ITPRID2: variants seen among roughly 807,000 people sequenced by gnomAD.
The protein encoded by ITPRID2 is ITPR interacting domain containing 2.
A neutral mutation model predicts 124.3 loss-of-function variants in ITPRID2; 60 were observed. That is an observed-to-expected ratio of 0.48 (90% CI 0.39 to 0.60). The LOEUF is 0.60. ITPRID2 is among the 20% of genes least tolerant of loss of function. The pLI, the probability that ITPRID2 is intolerant of heterozygous loss-of-function variation, is 0.00. For synonymous variants in ITPRID2, 521 were observed against 542.9 expected, an observed-to-expected ratio of 0.96 and a Z score of 0.56; for missense variants, 1,553 against 1,512.2, an observed-to-expected ratio of 1.03 and a Z score of -0.45.
chr2:181,929,264 A>G (rs1695106820), intron 17 of ITPRID2, among the ~76,000 whole-genome samples: 1 of 151,912 alleles, frequency 6.6e-6, no homozygotes, highest in African/African-American at 2.4e-5. Context: ...TAGAACTAAA[A>G]ATATTCATTG....
At chr2:181,928,396 T>C (rs528424734) in intron 17 of ITPRID2, 118 bp downstream of exon 17, 1 of 562,134 alleles carries the variant, frequency 1.8e-6, no homozygotes, top group Non-Finnish European at 3.1e-6. Context: ...TTAGAATGTA[T>C]GTAATATGTT....
chr2:181,909,861 G>T (rs1202216234), intron 8 of ITPRID2, 38 bp from the exon 9 acceptor site: 1 of 1,507,240 alleles, frequency 6.6e-7, no homozygotes, highest in South Asian at 1.1e-5. Context: ...GTTTGCCTTA[G>T]ATTCATTTGG....
Position 181,896,062 on chromosome 2 carries a change from G to A in ITPRID2, c.290G>A (p.Ser97Asn). Residue 97 changes from serine to asparagine, a missense_variant, in exon 3 of 18, where the codon AGC (serine) becomes AAC (asparagine). By Grantham distance (46) the Ser-to-Asn change is conservative. Transcript: ENST00000431877. The surrounding 1 kb of genome is among the most constrained non-coding windows in gnomAD (Gnocchi z 4.3). ...TTGGGAGCCTCACTGGATGAACAAA[G>A]CAGTAGTACACTCAAGGGTAAGAGA... ...TPLGASLDEQ[S>N]SSTLKGVLVR... 1 of 1,612,876 alleles carries A rather than the reference G, an allele frequency of 6.2e-7. No individual in the cohort carries two copies. Among genetic ancestry groups the A allele is most frequent in the Non-Finnish European group, 8.5e-7 (1 of 1,179,002 alleles).
chr2:181,904,491 A>G (rs754299192), intron 8 of ITPRID2, among the ~76,000 whole-genome samples: 540 of 43,996 alleles, frequency 0.012, 4 homozygotes, highest in Non-Finnish European at 0.02. Context: ...TTGTAGAACA[A>G]TGGATAAAGG....
At chr2:181,917,283 G>A (rs961219263) in intron 11 of ITPRID2, 1 of 152,340 alleles carries the variant, frequency 6.6e-6, no homozygotes, top group Admixed American at 6.5e-5. Context: ...CTCTTATCAT[G>A]ACATAGTAGA....
At position 181,910,144 on chromosome 2, in the gene ITPRID2, A is replaced by G. The variant is rs1420286258; in HGVS notation, c.1486+173A>G. Among the ~76,000 whole-genome samples, 1 of 152,194 alleles carries G rather than the reference A, an allele frequency of 6.6e-6. No homozygotes were observed. The highest frequency in any genetic ancestry group is 2.4e-5 in the African/African-American group (1 of 41,458). On this transcript the variant is annotated intron_variant, in intron 9 of 17. Coordinates refer to ENST00000431877, the MANE Select transcript of ITPRID2 (RefSeq NM_001130445.3). The surrounding 1 kb of genome is among the most constrained non-coding windows in gnomAD (Gnocchi z 4.1). ...TAGAACTTTTTTTGTATTTTTTAAA[A>G]GACTTTTTAAAAATTAGTTTGCTAA...
chr2:181,896,894 A>G lies in ITPRID2; in HGVS notation c.308-14A>G, dbSNP rs1337124233. 3.7e-6 allele frequency: 6 copies of G among 1,610,918 alleles called. No individual in the cohort carries two copies. Among genetic ancestry groups the G allele is most frequent in the Middle Eastern group, 1.7e-4 (1 of 6,054 alleles). On this transcript the variant is annotated splice_polypyrimidine_tract_variant and intron_variant, in intron 3 of 17. Coordinates refer to ENST00000431877, the MANE Select transcript of ITPRID2 (RefSeq NM_001130445.3). The surrounding 1 kb of genome is among the most constrained non-coding windows in gnomAD (Gnocchi z 4.3). ...AACAGAACACCAGGATGAGTTTTCA[A>G]ATGTGTCTTTCAGGTGTGCTTGTGA...
chr2:181,918,715 G>T (rs972958491), intron 12 of ITPRID2, 40 bp downstream of exon 12: 1 of 1,613,558 alleles, frequency 6.2e-7, no homozygotes, highest in South Asian at 1.1e-5. Flanking sequence ...AAAATAATTT[G>T]TAGAATTTAG....
At chr2:181,926,311 G>A (rs747740595) in intron 16 of ITPRID2, among the ~76,000 whole-genome samples, 1 of 152,136 alleles carries the variant, frequency 6.6e-6, no homozygotes, top group African/African-American at 2.4e-5. Context: ...TATTCATTTT[G>A]TGTCCATTGA....
rs550558891 is a variant in ITPRID2 at position 181,915,636 on chromosome 2, T to C, written c.1996T>C (p.Leu666=). Residue 666 remains leucine, a synonymous_variant, in exon 11 of 18, where the codon TTG becomes CTG. Transcript: ENST00000431877. ...QYTTHHILKS[L]ASIEAKCSDM... ...TACCACACACCATATTCTGAAATCA[T>C]TGGCTTCTATTGAAGCTAAATGCAG... 3.1e-6 allele frequency: 5 copies of C among 1,614,204 alleles called. No homozygotes were observed. The South Asian group carries it at 3.3e-5, about 11-fold the overall frequency.
Position 181,896,185 on chromosome 2 carries a change from T to C in ITPRID2, c.307+106T>C, listed in dbSNP as rs1692185602. 1.1e-5 allele frequency: 11 copies of C among 1,004,820 alleles called. No homozygotes were observed. Among genetic ancestry groups the C allele is most frequent in the Non-Finnish European group, 1.7e-5 (11 of 656,334 alleles). The allele number at this position is 1,004,820 out of a possible 1,614,324, so 62.2% of individuals were successfully genotyped here. A position where few individuals can be genotyped will look rare whatever the true frequency, so the allele number is the denominator to read the frequency against. On this transcript the variant is annotated intron_variant, in intron 3 of 17. Coordinates refer to ENST00000431877, the MANE Select transcript of ITPRID2 (RefSeq NM_001130445.3). The surrounding 1 kb of genome is among the most constrained non-coding windows in gnomAD (Gnocchi z 4.3). ...CTTATAAAAGTGATATTCATGTTTA[T>C]AGTATATGCTATTCTGAGCTAGAAG...
chr2:181,900,678 T>C lies in ITPRID2; in HGVS notation c.504-18T>C. The C allele has an allele frequency of 6.4e-7, 1 of 1,555,778 alleles. No homozygotes were observed. The highest frequency in any genetic ancestry group is 8.8e-7 in the Non-Finnish European group (1 of 1,140,118). On this transcript the variant is annotated intron_variant, in intron 6 of 17. Coordinates refer to ENST00000431877, the MANE Select transcript of ITPRID2 (RefSeq NM_001130445.3). ...TTTTATATTTTCATGTTTCCTTTTTTGCCCCCTTTTTTTGTAGTGTTTCAG... is the reference window on the plus strand; with the variant it reads ...TTTTATATTTTCATGTTTCCTTTTTCGCCCCCTTTTTTTGTAGTGTTTCAG...
chr2:181,919,212 G>T lies in ITPRID2; in HGVS notation c.2994-84G>T. 1 of 1,478,218 alleles carries T rather than the reference G, an allele frequency of 6.8e-7. No homozygotes were observed. 91.6% of individuals were successfully genotyped at this position (1,478,218 alleles called of 1,614,324 possible). ...CCTGAGATTTCCATGCCTTCTGTTAGCATATAGTAGTTGTTGAAAGATTTG... is the reference window on the plus strand; with the variant it reads ...CCTGAGATTTCCATGCCTTCTGTTATCATATAGTAGTTGTTGAAAGATTTG... On this transcript the variant is annotated intron_variant, in intron 13 of 17. Transcript: ENST00000431877. This position sits in a 1 kb window ranked among gnomAD's most constrained non-coding sequence, Gnocchi z 4.2.
chr2:181,913,210 G>A (rs1693754031), intron 9 of ITPRID2, among the ~76,000 whole-genome samples: 2 of 152,102 alleles, frequency 1.3e-5, no homozygotes, highest in South Asian at 4.1e-4. Context: ...TGGGACTACA[G>A]GCACCCGCTA....
At position 181,915,381 on chromosome 2, in the gene ITPRID2, A is replaced by G. The variant is rs1226291344; in HGVS notation, c.1741A>G (p.Lys581Glu). ...TGTCCCTCTTCAGAAGGGACTAGAGAAGGCAGCAGCAGTTGCAGACAAAAG... is the reference window on the plus strand; with the variant it reads ...TGTCCCTCTTCAGAAGGGACTAGAGGAGGCAGCAGCAGTTGCAGACAAAAG... ...SLVPLQKGLE[K>E]AAAVADKRKS... Residue 581 changes from lysine to glutamate, a missense_variant, in exon 11 of 18, where the codon AAG becomes GAG. Transcript: ENST00000431877. The G allele has an allele frequency of 1.2e-6, 2 of 1,614,000 alleles. No individual in the cohort carries two copies. Among genetic ancestry groups the G allele is most frequent in the Admixed American group, 1.7e-5 (1 of 60,000 alleles).
chr2:181,906,697 C>T (rs954623043), intron 8 of ITPRID2, among the ~76,000 whole-genome samples: 1 of 151,878 alleles, frequency 6.6e-6, no homozygotes, highest in African/African-American at 2.4e-5. Context: ...CATGATTCCA[C>T]CACTGCACTC....
At chr2:181,903,978 A>G (rs1692886787) in intron 8 of ITPRID2, among the ~76,000 whole-genome samples, 1 of 152,182 alleles carries the variant, frequency 6.6e-6, no homozygotes, top group East Asian at 1.9e-4. Context: ...ATCTAAACAA[A>G]TTATGTTAGG....
chr2:181,906,751 T>TA (rs879772461), intron 8 of ITPRID2, among the ~76,000 whole-genome samples: 98 of 135,186 alleles, frequency 7.2e-4, no homozygotes, highest in African/African-American at 1.7e-3. Context: ...AAAAATGAAA[T>TA]AAAAAAAAAA....
chr2:181,909,013 T>C (rs1333910359), intron 8 of ITPRID2, among the ~76,000 whole-genome samples: 20 of 152,122 alleles, frequency 1.3e-4, no homozygotes, highest in Non-Finnish European at 1.0e-4. Context: ...TGACATAGAG[T>C]TAATTATGTT....
Sources: allele counts gnomAD v4.1 joint callset (sites outside exome capture counted in the v4.1 genomes callset), GRCh38; gene constraint gnomAD v4.1.1; non-coding constraint Gnocchi (gnomAD v3.1); transcripts MANE v1.5; gene names NCBI Gene and HGNC (gene_info 2026-07-23, HGNC 2026-07-21).